The following PARP4 variants were observed in gnomAD, a reference collection of about 807,000 sequenced individuals.
PARP4 encodes protein mono-ADP-ribosyltransferase PARP4.
In PARP4, 120 loss-of-function variants were observed where a neutral mutation model predicts 187.7. The ratio of observed to expected loss-of-function variants is 0.64; its 90% CI spans 0.55 to 0.74. PARP4 has a LOEUF of 0.74. Among genes scored for constraint, PARP4 ranks in the 30% least tolerant of loss-of-function variants. PARP4 has a pLI of 0.00. For missense variants in PARP4, 1,836 were observed against 2,070.5 expected (o/e 0.89, Z 2.20); for synonymous variants, 654 against 740.9 (o/e 0.88, Z 1.90).
At chr13:24,509,655 A>T (rs1037124527) in intron 1 of PARP4, among the ~76,000 whole-genome samples, 1 of 152,154 alleles carries the variant, frequency 6.6e-6, no homozygotes, top group African/African-American at 2.4e-5. Flanking sequence ...AGTTATTTTT[A>T]AAAAAGCACC....
In PARP4 at chr13:24,432,255, T is replaced by A. The variant is rs527354571; in HGVS notation, c.4747-779A>T. ...CTTCTAGCTATTTTGACATATACAA[T>A]GTATTGTTAACGATAGTCACCCTAC... is the stretch of plus-strand genomic sequence containing the variant. On this transcript the variant is annotated intron_variant, in intron 31 of 33. Coordinates refer to ENST00000381989, the MANE Select transcript of PARP4 (RefSeq NM_006437.4). Among the ~76,000 whole-genome samples, 4 of 152,302 alleles carry A rather than the reference T, an allele frequency of 2.6e-5. No individual in the cohort carries two copies. In the East Asian group the frequency reaches 7.7e-4, roughly 29 times the overall value.
chr13:24,471,417 A>C (rs961889425), intron 15 of PARP4, among the ~76,000 whole-genome samples: 8 of 152,214 alleles, frequency 5.3e-5, no homozygotes, highest in Non-Finnish European at 8.8e-5. Context: ...ACAAAGGTCA[A>C]TAATTTTAGA....
At chr13:24,426,301 G>A (rs1212208582) in intron 33 of PARP4, among the ~76,000 whole-genome samples, 165 bp downstream of exon 33, 2 of 152,102 alleles carry the variant, frequency 1.3e-5, no homozygotes, top group Non-Finnish European at 2.9e-5. Context: ...CATCAGCCCT[G>A]CCCGCCACAG....
At chr13:24,512,476 G>C (rs956237274) in intron 1 of PARP4, among the ~76,000 whole-genome samples, 9 of 152,138 alleles carry the variant, frequency 5.9e-5, no homozygotes, top group Admixed American at 5.9e-4. Context: ...CCGGTTTCTC[G>C]TCACCAGGGC....
chr13:24,426,150 A>G (rs1403556422), intron 33 of PARP4, among the ~76,000 whole-genome samples: 1 of 152,138 alleles, frequency 6.6e-6, no homozygotes, highest in East Asian at 1.9e-4. Flanking sequence ...CAACAGTCAC[A>G]TTGTGGGTCT....
intron 10 of PARP4, among the ~76,000 whole-genome samples, chr13:24,489,100 G>A (rs1358848336): frequency 3.9e-5 from 6 of 152,102 alleles, no homozygotes; most frequent in African/African-American, 1.4e-4. Context: ...GAATAGTGTT[G>A]CTATGAATAT....
At chr13:24,435,549 T>C in intron 30 of PARP4, 75 bp from the exon 31 acceptor site, 11 of 1,456,314 alleles carry the variant, frequency 7.6e-6, no homozygotes, top group Non-Finnish European at 1.0e-5. Context: ...ACATTCTTCC[T>C]AGCACTTGAC....
chr13:24,506,817 C>T (rs961574274), intron 1 of PARP4, among the ~76,000 whole-genome samples: 5 of 152,226 alleles, frequency 3.3e-5, no homozygotes, highest in African/African-American at 9.6e-5. Context: ...TGCCTTGCAC[C>T]CGCACTCCTC....
Position 24,435,184 on chromosome 13 carries a change from C to CA in PARP4, c.3956dup (p.Leu1319PhefsTer31). ...GAAGATAGGAACCAACGGCCGGAGC[C>CA]AAAATAGGAAAAAAGCTAGAAGTAG... On this transcript the variant is annotated frameshift_variant, in exon 31 of 34. Coordinates refer to ENST00000381989, the MANE Select transcript of PARP4 (RefSeq NM_006437.4). LOFTEE classifies it high-confidence loss of function. 6.2e-7 allele frequency: 1 copy of CA among 1,613,974 alleles called. No individual in the cohort carries two copies. Among genetic ancestry groups the CA allele is most frequent in the Non-Finnish European group, 8.5e-7 (1 of 1,179,962 alleles).
chr13:24,454,041 G>A (rs1871680420), intron 22 of PARP4, among the ~76,000 whole-genome samples: 1 of 150,736 alleles, frequency 6.6e-6, no homozygotes, highest in African/African-American at 2.5e-5. Flanking sequence ...AGGTTGCAGT[G>A]AGCTGAGATC....
chr13:24,458,344 C>T lies in PARP4; in HGVS notation c.2424+700G>A, dbSNP rs546880839. ...CAGGATGGTCTCGATCTCCTGACCTCGTGATCCACCCACCTCAGCCTCCCA... is the reference window on the plus strand; with the variant it reads ...CAGGATGGTCTCGATCTCCTGACCTTGTGATCCACCCACCTCAGCCTCCCA... On this transcript the variant is annotated intron_variant, in intron 20 of 33. Coordinates refer to ENST00000381989, the MANE Select transcript of PARP4 (RefSeq NM_006437.4). Among the ~76,000 whole-genome samples the T allele has an allele frequency of 1.6e-3, 245 of 151,942 alleles. 1 individual carries two copies. Among genetic ancestry groups the T allele is most frequent in the African/African-American group, 4.8e-3 (198 of 41,476 alleles).
intron 30 of PARP4, among the ~76,000 whole-genome samples, chr13:24,439,128 T>C (rs1196613172): frequency 2.0e-5 from 3 of 152,162 alleles, no homozygotes; most frequent in Non-Finnish European, 4.4e-5. Context: ...TATTAAAACC[T>C]AAATTAATTT....
chr13:24,493,895 CCT>C (rs1035515361), intron 7 of PARP4, among the ~76,000 whole-genome samples, 162 bp from the exon 8 acceptor site: 21 of 152,090 alleles, frequency 1.4e-4, no homozygotes, highest in African/African-American at 5.1e-4. Context: ...CTAGATCCTC[CCT>C]CTGTCTTCCT....
intron 12 of PARP4, among the ~76,000 whole-genome samples, chr13:24,483,505 A>AG (rs1873390198): frequency 6.6e-6 from 1 of 151,440 alleles, no homozygotes; most frequent in African/African-American, 2.4e-5. Flanking sequence ...AAAAAAAAAA[A>AG]AAAAGTTTTT....
At chr13:24,477,192 A>G (rs1264218903) in intron 14 of PARP4, among the ~76,000 whole-genome samples, 1 of 152,222 alleles carries the variant, frequency 6.6e-6, no homozygotes, top group Admixed American at 6.5e-5. Context: ...ATAAAAAAGG[A>G]AATGAGGCTG....
rs139549472 is a variant in PARP4, at chr13:24,441,748, T to C, written c.3666+98A>G. On this transcript the variant is annotated intron_variant, in intron 30 of 33. Coordinates refer to ENST00000381989, the MANE Select transcript of PARP4 (RefSeq NM_006437.4). ...CATCATCAGGGATACAACTTCTTCATGTACAGGTAAGAAGGGAGCTATTTT... is the reference window on the plus strand; with the variant it reads ...CATCATCAGGGATACAACTTCTTCACGTACAGGTAAGAAGGGAGCTATTTT... 1.9e-3 allele frequency: 2,006 copies of C among 1,074,470 alleles called. 31 individuals are homozygous for C. In the African/African-American group the frequency reaches 0.028, roughly 15 times the overall value. 66.6% of individuals were successfully genotyped at this position (1,074,470 alleles called of 1,614,324 possible).
rs1194473218 is a variant in PARP4, at chr13:24,469,352, A to T, written c.2047-242T>A. ...TCAAAATATTTCAGAATCAATAGTG[A>T]AAAAAATTTTTCTGGTTGGGAGTTT... On this transcript the variant is annotated intron_variant, in intron 16 of 33. Coordinates refer to ENST00000381989, the MANE Select transcript of PARP4 (RefSeq NM_006437.4). Among the ~76,000 whole-genome samples the T allele has an allele frequency of 9.2e-5, 14 of 152,356 alleles. 1 individual carries two copies. In the East Asian group the frequency reaches 2.3e-3, roughly 25 times the overall value.
At chr13:24,489,424 G>A (rs1207086597) in intron 10 of PARP4, among the ~76,000 whole-genome samples, 1 of 151,968 alleles carries the variant, frequency 6.6e-6, no homozygotes, top group Non-Finnish European at 1.5e-5. Context: ...CCTGGCTAAA[G>A]CAGTGAAACC....
intron 22 of PARP4, among the ~76,000 whole-genome samples, chr13:24,454,221 T>A (rs114182922): frequency 5.2e-4 from 79 of 152,368 alleles, no homozygotes; most frequent in African/African-American, 1.9e-3. Context: ...AGATCACTTG[T>A]GCAAATGTGC....
Sources: allele counts gnomAD v4.1 joint callset (sites outside exome capture counted in the v4.1 genomes callset), GRCh38; gene constraint gnomAD v4.1.1; transcripts MANE v1.5; gene names NCBI Gene and HGNC (gene_info 2026-07-23, HGNC 2026-07-21).